Variants in SH3KBP1 observed in about 807,000 individuals in gnomAD.
SH3KBP1 encodes SH3 domain-containing kinase-binding protein 1.
SH3KBP1 carries 8 observed loss-of-function variants against 50.1 expected under a neutral mutation model. That is an observed-to-expected ratio of 0.16 (90% CI 0.09 to 0.29). SH3KBP1 has a LOEUF of 0.29. Among genes scored for constraint, SH3KBP1 ranks in the 10% least tolerant of loss-of-function variants. The pLI is 1.00. For synonymous variants in SH3KBP1, 227 were observed against 218.6 expected (o/e 1.04, Z -0.34); for missense variants, 377 against 535.2 (o/e 0.70, Z 2.92).
intron 16 of SH3KBP1, among the ~76,000 whole-genome samples, chrX:19,539,123 G>A (rs928829537): frequency 2.7e-5 from 3 of 111,861 alleles, no homozygotes; most frequent in Non-Finnish European, 5.6e-5. Flanking sequence ...CAAAGTTAGG[G>A]CTCTATACTT....
chrX:19,683,992 C>A lies in SH3KBP1; in HGVS notation c.557G>T (p.Gly186Val). 3 of 1,210,618 alleles carry A rather than the reference C, an allele frequency of 2.5e-6. No individual in the cohort carries two copies. In the East Asian group the frequency reaches 8.9e-5, roughly 36 times the overall value. Residue 186 changes from glycine to valine, a missense_variant, in exon 6 of 18, where the codon GGT becomes GTT. By Grantham distance (109) the Gly-to-Val change is moderately radical. Coordinates refer to ENST00000397821, the MANE Select transcript of SH3KBP1 (RefSeq NM_031892.3). The stretch of plus-strand genomic sequence containing the variant: ...TTCAGACTTGGTGCTGCTTGAGTCA[C>A]CCCCATCACTCTCGGAGCCTGTGGT... Reference protein sequence around the residue: ...RETTGSESDGGDSSSTKSEGA... With the variant: ...RETTGSESDGVDSSSTKSEGA...
intron 1 of SH3KBP1, among the ~76,000 whole-genome samples, chrX:19,856,138 G>A (rs1467950704): frequency 9.0e-6 from 1 of 110,746 alleles, no homozygotes; most frequent in Non-Finnish European, 1.9e-5. Flanking sequence ...AAAAGGAGAG[G>A]AAATCTATCA....
intron 2 of SH3KBP1, among the ~76,000 whole-genome samples, chrX:19,765,513 A>C (rs1175765625): frequency 9.0e-6 from 1 of 111,259 alleles, no homozygotes; most frequent in African/African-American, 3.3e-5. Flanking sequence ...TATCATCACT[A>C]ACTCTGATCT....
At chrX:19,857,177 T>C (rs1302267716) in intron 1 of SH3KBP1, among the ~76,000 whole-genome samples, 1 of 108,650 alleles carries the variant, frequency 9.2e-6, no homozygotes, top group Non-Finnish European at 1.9e-5. Context: ...ATTGGCAAGA[T>C]GGGCTCTGTC....
intron 3 of SH3KBP1, among the ~76,000 whole-genome samples, chrX:19,740,301 G>A (rs950997904): frequency 8.9e-6 from 1 of 111,937 alleles, no homozygotes; most frequent in Non-Finnish European, 1.9e-5. Flanking sequence ...GAGCTTTTGA[G>A]AATGAAGGCC....
chrX:19,861,622 T>C (rs1019256821), intron 1 of SH3KBP1, among the ~76,000 whole-genome samples: 1 of 111,608 alleles, frequency 9.0e-6, no homozygotes, highest in Non-Finnish European at 1.9e-5. Flanking sequence ...ACCATGTCAA[T>C]GCAGTCTTTT....
At position 19,836,290 on chromosome X, in the gene SH3KBP1, G is replaced by A. The variant is rs766232233; in HGVS notation, c.5-8C>T. ...ACTCCACTATGGCCTCCACTGGAAG[G>A]AACAGGGAAAACAGAGTAATTTAGG... On this transcript the variant is annotated splice_region_variant and splice_polypyrimidine_tract_variant and intron_variant, in intron 1 of 17. Transcript: ENST00000397821. The A allele has an allele frequency of 8.3e-7, 1 of 1,205,343 alleles. No homozygotes were observed. The highest frequency in any genetic ancestry group is 1.1e-6 in the Non-Finnish European group (1 of 890,857).
At chrX:19,839,166 T>C (rs1343026017) in intron 1 of SH3KBP1, among the ~76,000 whole-genome samples, 2 of 110,161 alleles carry the variant, frequency 1.8e-5, no homozygotes, top group Non-Finnish European at 3.8e-5. Context: ...TCTTCATTTT[T>C]CCACCAATGT....
chrX:19,845,825 G>A lies in SH3KBP1; in HGVS notation c.5-9543C>T, dbSNP rs774314024. 6.3e-5 allele frequency among the ~76,000 whole-genome samples: 7 copies of A among 110,389 alleles called. No homozygotes were observed. In the East Asian group the frequency reaches 2.1e-3, roughly 33 times the overall value. On this transcript the variant is annotated intron_variant, in intron 1 of 17. Transcript: ENST00000397821. The stretch of plus-strand genomic sequence containing the variant: ...GGGTTTCGCCATGTTGGCCAGGCTG[G>A]TCTAGAACTCCTGGCATCAAGTAAT...
At position 19,750,838 on chromosome X, in the gene SH3KBP1, A is replaced by C. The variant is rs191815694; in HGVS notation, c.163-4397T>G. Reference sequence around the variant, plus strand: ...AACAACACTGTCAGGAAAAAAAAAAACAACTGATTTTGCCAAACATATATT... The same window carrying C: ...AACAACACTGTCAGGAAAAAAAAAACCAACTGATTTTGCCAAACATATATT... On this transcript the variant is annotated intron_variant, in intron 2 of 17. Transcript: ENST00000397821. Among the ~76,000 whole-genome samples the C allele has an allele frequency of 4.1e-3, 454 of 111,748 alleles. 2 individuals are homozygous for C. The highest frequency in any genetic ancestry group is 0.014 in the African/African-American group (427 of 30,712).
chrX:19,838,895 A>G (rs1196862536), intron 1 of SH3KBP1, among the ~76,000 whole-genome samples: 3 of 108,506 alleles, frequency 2.8e-5, no homozygotes, highest in Admixed American at 9.8e-5. Flanking sequence ...TCAAAAAAAA[A>G]AAAAAAAAAA....
intron 1 of SH3KBP1, among the ~76,000 whole-genome samples, chrX:19,881,083 T>C (rs1233330519): frequency 5.3e-5 from 6 of 112,204 alleles, no homozygotes; most frequent in Non-Finnish European, 1.1e-4. Context: ...AGGAAACTGA[T>C]ACAGGGAGTC....
chrX:19,829,660 C>A (rs868015359), intron 2 of SH3KBP1, among the ~76,000 whole-genome samples: 5 of 105,876 alleles, frequency 4.7e-5, no homozygotes, highest in African/African-American at 1.7e-4. Flanking sequence ...GCAAGAGAAT[C>A]CCTTGAACCC....
chrX:19,553,794 G>A (rs2065311983), intron 13 of SH3KBP1, among the ~76,000 whole-genome samples: 1 of 96,168 alleles, frequency 1.0e-5, no homozygotes, highest in Admixed American at 1.3e-4. Context: ...TGAGTAAGAG[G>A]AAGGTCCGAA....
At chrX:19,677,408 G>T (rs979305149) in intron 6 of SH3KBP1, among the ~76,000 whole-genome samples, 3 of 111,728 alleles carry the variant, frequency 2.7e-5, no homozygotes, top group Non-Finnish European at 5.7e-5. Context: ...TGAGAATACA[G>T]TCTCGTCTGG....
At chrX:19,629,609 T>G (rs2061531850) in intron 8 of SH3KBP1, among the ~76,000 whole-genome samples, 1 of 111,202 alleles carries the variant, frequency 9.0e-6, no homozygotes, top group East Asian at 2.8e-4. Flanking sequence ...TGCTTAGCTC[T>G]GCAGGGCAGG....
chrX:19,799,689 T>C (rs771690641), intron 2 of SH3KBP1: 1 of 1,209,778 alleles, frequency 8.3e-7, no homozygotes, highest in South Asian at 1.8e-5. Flanking sequence ...CTCCATTCTG[T>C]GAAGTATGAA....
chrX:19,569,833 G>A (rs189026860), intron 12 of SH3KBP1, among the ~76,000 whole-genome samples: 193 of 111,432 alleles, frequency 1.7e-3, no homozygotes, highest in African/African-American at 5.9e-3. Context: ...CCAAGATGAC[G>A]AGAGAAACCT....
intron 2 of SH3KBP1, among the ~76,000 whole-genome samples, chrX:19,796,198 G>A (rs1230592347): frequency 1.8e-5 from 2 of 111,846 alleles, no homozygotes; most frequent in Non-Finnish European, 1.9e-5. Flanking sequence ...ATAGCCCTGG[G>A]AGACACTGAG....
Sources: gnomAD v4.1 joint callset for allele counts (sites outside exome capture counted in the v4.1 genomes callset) on GRCh38, gnomAD v4.1.1 for gene constraint, MANE v1.5 for transcripts, NCBI Gene and HGNC (gene_info 2026-07-23, HGNC 2026-07-21) for gene names.